Variants in PRR11 observed in about 807,000 individuals in gnomAD.
PRR11 encodes proline rich 11.
In PRR11, 30 loss-of-function variants were observed where a neutral mutation model predicts 45.6. That is an observed-to-expected ratio of 0.66 (90% confidence interval 0.49 to 0.89). The LOEUF (loss-of-function observed/expected upper bound fraction) is 0.89, where lower values mean the gene tolerates loss of function less well. Ranked by LOEUF, PRR11 falls within the 40% of genes least tolerant of loss-of-function variation. PRR11 has a pLI of 0.00. For missense variants in PRR11, 373 were observed against 424.8 expected (o/e 0.88, Z 1.07); for synonymous variants, 128 against 153.5 (o/e 0.83, Z 1.23).
intron 1 of PRR11, among the ~76,000 whole-genome samples, chr17:59,159,685 A>T (rs546770878): frequency 4.1e-4 from 62 of 152,278 alleles, no homozygotes; most frequent in Non-Finnish European, 7.5e-4. Flanking sequence ...ACGTTGCAGG[A>T]TATGCTTTAG....
intron 1 of PRR11, among the ~76,000 whole-genome samples, chr17:59,161,424 C>A (rs370838165): frequency 0.031 from 4,097 of 132,104 alleles, 228 homozygotes; most frequent in African/African-American, 0.1. Context: ...AAAAAAAAAA[C>A]AAAAACATAA....
At chr17:59,186,120 T>G (rs1178187943) in intron 4 of PRR11, among the ~76,000 whole-genome samples, 3 of 152,104 alleles carry the variant, frequency 2.0e-5, no homozygotes, top group Admixed American at 6.6e-5. Flanking sequence ...GGGAAGATTT[T>G]TGTTTGTTTG....
intron 2 of PRR11, among the ~76,000 whole-genome samples, chr17:59,184,059 C>A (rs1454414247): frequency 6.6e-6 from 1 of 152,170 alleles, no homozygotes; most frequent in African/African-American, 2.4e-5. Flanking sequence ...GAGCTATGAT[C>A]TTGCCACCGC....
chr17:59,174,875 C>A, intron 2 of PRR11: 1 of 1,199,848 alleles, frequency 8.3e-7, no homozygotes, highest in Non-Finnish European at 1.2e-6. Flanking sequence ...TGGGGACTCC[C>A]CAGGATACCC....
In PRR11 at chr17:59,193,533, A is replaced by AT; in HGVS notation, c.445dup (p.Cys149LeufsTer6). 2.5e-6 allele frequency: 4 copies of AT among 1,614,168 alleles called. No individual in the cohort carries two copies. Among genetic ancestry groups the AT allele is most frequent in the Non-Finnish European group, 3.4e-6 (4 of 1,180,026 alleles). Reference sequence around the variant, plus strand: ...CTTCCTGTCCAAGCTGTGGTCAAACATGTCACATGAGTGGTAAACTTACAA... The same window carrying AT: ...CTTCCTGTCCAAGCTGTGGTCAAACATTGTCACATGAGTGGTAAACTTACAA... On this transcript the variant is annotated frameshift_variant, in exon 5 of 10. Coordinates refer to ENST00000262293, the MANE Select transcript of PRR11 (RefSeq NM_018304.4). LOFTEE classifies it high-confidence loss of function.
Position 59,193,572 on chromosome 17 carries a change from C to CA in PRR11, c.483_484insA (p.Val162SerfsTer51). The CA allele has an allele frequency of 6.2e-7, 1 of 1,614,156 alleles. No homozygotes were observed. The highest frequency in any genetic ancestry group is 8.5e-7 in the Non-Finnish European group (1 of 1,180,032). On this transcript the variant is annotated frameshift_variant, in exon 5 of 10. Transcript: ENST00000262293. LOFTEE classifies it high-confidence loss of function. ...GTAAACTTACAAATGTGCCTGCCTG[C>CA]GTTCTGATCACCCCTGGAGACTCCA...
At chr17:59,161,418 A>AC (rs1555714779) in intron 1 of PRR11, among the ~76,000 whole-genome samples, 3 of 151,580 alleles carry the variant, frequency 2.0e-5, no homozygotes, top group African/African-American at 7.3e-5. Context: ...CTCAAAAAAA[A>AC]AAAAACAAAA....
chr17:59,175,844 G>C (rs1226231823), intron 2 of PRR11, among the ~76,000 whole-genome samples: 5 of 152,146 alleles, frequency 3.3e-5, no homozygotes, highest in African/African-American at 9.7e-5. Flanking sequence ...GGATATGGAG[G>C]CTGCAGTGAG....
intron 9 of PRR11, among the ~76,000 whole-genome samples, chr17:59,198,356 A>C (rs753158676): frequency 6.6e-6 from 1 of 151,936 alleles, no homozygotes; most frequent in Non-Finnish European, 1.5e-5. Flanking sequence ...CGTGGCCAAC[A>C]TGACAAAACC....
At chr17:59,180,802 G>A (rs1453741756) in intron 2 of PRR11, among the ~76,000 whole-genome samples, 2 of 150,060 alleles carry the variant, frequency 1.3e-5, no homozygotes, top group African/African-American at 2.5e-5. Flanking sequence ...TACTGCGCCC[G>A]GCCTTTGGTT....
At chr17:59,196,155 C>A (rs2046865055) in intron 7 of PRR11, among the ~76,000 whole-genome samples, 1 of 146,164 alleles carries the variant, frequency 6.8e-6, no homozygotes, top group African/African-American at 2.5e-5. Flanking sequence ...ATGAAATTTA[C>A]ATACAATTAA....
chr17:59,184,474 CAAAG>C (rs2046803763), intron 2 of PRR11, among the ~76,000 whole-genome samples: 1 of 152,080 alleles, frequency 6.6e-6, no homozygotes, highest in African/African-American at 2.4e-5. Flanking sequence ...AAAAAATAAA[CAAAG>C]AACCTGTGAG....
rs542454873 is a variant in PRR11 at position 59,164,578 on chromosome 17, G to A, written c.-5-5170G>A. 2.0e-5 allele frequency among the ~76,000 whole-genome samples: 3 copies of A among 152,194 alleles called. No individual in the cohort carries two copies. In the East Asian group the frequency reaches 5.8e-4, roughly 29 times the overall value. On this transcript the variant is annotated intron_variant, in intron 1 of 9. Transcript: ENST00000262293. The stretch of plus-strand genomic sequence containing the variant: ...AAAAGGAAGATGCTAGGAAATTTCG[G>A]ATTCTAGGGCTCCCAATCAGTGGAC...
chr17:59,181,002 T>C (rs904079004), intron 2 of PRR11, among the ~76,000 whole-genome samples: 3 of 151,464 alleles, frequency 2.0e-5, no homozygotes, highest in Non-Finnish European at 4.4e-5. Flanking sequence ...GTTTTTTTGT[T>C]TTTTTGAGAC....
At chr17:59,179,691 G>A (rs558966915) in intron 2 of PRR11, 156 of 1,448,750 alleles carry the variant, frequency 1.1e-4, no homozygotes, top group Middle Eastern at 2.5e-4. Flanking sequence ...GGGAGCACGG[G>A]TGACACTCGC....
chr17:59,180,861 G>T (rs1235537843), intron 2 of PRR11, among the ~76,000 whole-genome samples: 1 of 151,470 alleles, frequency 6.6e-6, no homozygotes, highest in African/African-American at 2.4e-5. Flanking sequence ...GAGTGCAGTC[G>T]TGCAGTCATA....
chr17:59,158,425 G>A (rs540054168), intron 1 of PRR11, among the ~76,000 whole-genome samples: 2 of 152,298 alleles, frequency 1.3e-5, no homozygotes, highest in South Asian at 4.1e-4. Context: ...TTTCCTGACT[G>A]ATTGTGGTTT....
At chr17:59,181,852 C>T in intron 2 of PRR11, 1 of 1,459,962 alleles carries the variant, frequency 6.8e-7, no homozygotes, top group Admixed American at 1.8e-5. Context: ...CCCAGCCTTG[C>T]AGACTGTTGG....
Position 59,195,351 on chromosome 17 carries a change from A to G in PRR11, c.765A>G (p.Ala255=), listed in dbSNP as rs2046860505. Residue 255 remains alanine, a synonymous_variant, in exon 7 of 10, where the codon GCA becomes GCG. Transcript: ENST00000262293. The part of the protein sequence containing the change: ...EKRKLIPSPK[A]RNPLVTVSDL... ...TAAAGCTTATACCATCGCCGAAAGC[A>G]CGGAATCCACTAGTTACCGTCTCTG... 1 of 1,613,712 alleles carries G rather than the reference A, an allele frequency of 6.2e-7. No individual in the cohort carries two copies. The highest frequency in any genetic ancestry group is 1.3e-5 in the African/African-American group (1 of 75,050).
Sources: gnomAD v4.1 joint callset for allele counts (sites outside exome capture counted in the v4.1 genomes callset) on GRCh38, gnomAD v4.1.1 for gene constraint, MANE v1.5 for transcripts, NCBI Gene and HGNC (gene_info 2026-07-23, HGNC 2026-07-21) for gene names.